Variants in STARD13 observed in about 807,000 individuals in gnomAD.
STARD13 encodes stAR-related lipid transfer protein 13.
STARD13 carries 62 observed loss-of-function variants against 106.4 expected under a neutral mutation model. The ratio of observed to expected loss-of-function variants is 0.58; its 90% CI spans 0.48 to 0.72. STARD13 has a LOEUF of 0.72. STARD13 is among the 30% of genes least tolerant of loss of function. The pLI is 0.00. For missense variants in STARD13, 1,387 were observed against 1,424.0 expected, an observed-to-expected ratio of 0.97 and a Z score of 0.42; for synonymous variants, 565 against 553.0, an observed-to-expected ratio of 1.02 and a Z score of -0.31.
chr13:33,641,887 AT>A, the STARD13 span, among the ~76,000 whole-genome samples: 2 of 152,178 alleles, frequency 1.3e-5, no homozygotes, highest in East Asian at 3.8e-4. Flanking sequence ...GGATTGTGAT[AT>A]TTTTGTCATG....
intron 1 of STARD13, among the ~76,000 whole-genome samples, chr13:33,246,228 A>T (rs1236741205): frequency 6.6e-6 from 1 of 152,224 alleles, no homozygotes; most frequent in Non-Finnish European, 1.5e-5. Flanking sequence ...TGCGCATCAA[A>T]GAGAGGTAAG....
chr13:33,128,897 G>T, intron 5 of STARD13, 32 bp downstream of exon 5: 1 of 1,560,576 alleles, frequency 6.4e-7, no homozygotes, highest in South Asian at 1.2e-5. Flanking sequence ...TGAAATGGAT[G>T]AAAAATCATT....
chr13:33,640,963 C>G, the STARD13 span, among the ~76,000 whole-genome samples: 4 of 152,184 alleles, frequency 2.6e-5, no homozygotes, highest in East Asian at 1.9e-4. Context: ...TACACAGGAG[C>G]CTTCAGAATG....
At chr13:33,622,759 A>C in the STARD13 span, among the ~76,000 whole-genome samples, 1 of 151,552 alleles carries the variant, frequency 6.6e-6, no homozygotes, top group African/African-American at 2.4e-5. Context: ...ATCTCTACTA[A>C]AAATACAAAA....
chr13:33,353,713 C>A (rs1454129412), upstream of STARD13, among the ~76,000 whole-genome samples: 1 of 152,178 alleles, frequency 6.6e-6, no homozygotes, highest in Admixed American at 6.5e-5. Context: ...TGTCCTAGCC[C>A]AAATCTATCC....
At chr13:33,166,937 C>T (rs542335613) in intron 2 of STARD13, among the ~76,000 whole-genome samples, 22 of 148,878 alleles carry the variant, frequency 1.5e-4, no homozygotes, top group African/African-American at 5.0e-4. Context: ...GAGGTTGCAG[C>T]GAGTGGAGAT....
chr13:33,163,658 C>CATAT (rs1300936549), intron 3 of STARD13, among the ~76,000 whole-genome samples: 1 of 71,624 alleles, frequency 1.4e-5, no homozygotes, highest in Non-Finnish European at 3.1e-5. Context: ...ATATATAAAA[C>CATAT]ATATATATAT....
chr13:33,487,440 T>TGAG, the STARD13 span, among the ~76,000 whole-genome samples: 1 of 152,038 alleles, frequency 6.6e-6, no homozygotes, highest in Non-Finnish European at 1.5e-5. Flanking sequence ...CCCTTATAAA[T>TGAG]GAGGAGACAT....
intron 3 of STARD13, among the ~76,000 whole-genome samples, chr13:33,147,261 T>A (rs1281848998): frequency 6.6e-6 from 1 of 152,142 alleles, no homozygotes; most frequent in African/African-American, 2.4e-5. Flanking sequence ...TTCCTAGGAA[T>A]CTAGAAGGCC....
At chr13:33,295,282 T>G (rs1892444965) in intron 1 of STARD13, among the ~76,000 whole-genome samples, 3 of 152,036 alleles carry the variant, frequency 2.0e-5, no homozygotes. Flanking sequence ...CACTACAAAT[T>G]TGAGAGAGTA....
intron 1 of STARD13, among the ~76,000 whole-genome samples, chr13:33,225,795 T>C (rs1299995423): frequency 6.6e-6 from 1 of 152,248 alleles, no homozygotes; most frequent in East Asian, 1.9e-4. Context: ...GATTTCCTTC[T>C]AATAGTAACA....
At chr13:33,607,562 C>G in the STARD13 span, among the ~76,000 whole-genome samples, 2 of 152,058 alleles carry the variant, frequency 1.3e-5, no homozygotes, top group Non-Finnish European at 2.9e-5. Context: ...TCCCAAAGTG[C>G]TGGGATTACA....
the STARD13 span, among the ~76,000 whole-genome samples, chr13:33,625,453 C>T: frequency 6.6e-6 from 1 of 151,940 alleles, no homozygotes; most frequent in African/African-American, 2.4e-5. Flanking sequence ...GCCTGTAGTC[C>T]CAGCTACTCG....
the STARD13 span, among the ~76,000 whole-genome samples, chr13:33,504,797 C>T: frequency 6.6e-6 from 1 of 152,260 alleles, no homozygotes; most frequent in East Asian, 1.9e-4. Flanking sequence ...CCTGCCTTGG[C>T]CTGCCAATGT....
At chr13:33,316,949 G>A (rs999444743) in intron 1 of STARD13, among the ~76,000 whole-genome samples, 2 of 152,076 alleles carry the variant, frequency 1.3e-5, no homozygotes, top group Non-Finnish European at 2.9e-5. Context: ...TTTGACACTT[G>A]TGATCAGTCT....
the STARD13 span, among the ~76,000 whole-genome samples, chr13:33,517,743 C>G: frequency 6.6e-6 from 1 of 152,272 alleles, no homozygotes; most frequent in African/African-American, 2.4e-5. Context: ...CCATCAACAG[C>G]TGGACATACT....
chr13:33,661,443 G>A, the STARD13 span: 1 of 152,206 alleles, frequency 6.6e-6, no homozygotes, highest in Non-Finnish European at 1.5e-5. Context: ...AAAAACTGTA[G>A]TGTGTGTAGG....
At chr13:33,258,807 G>C (rs770566171) in intron 1 of STARD13, among the ~76,000 whole-genome samples, 1 of 152,146 alleles carries the variant, frequency 6.6e-6, no homozygotes, top group African/African-American at 2.4e-5. Flanking sequence ...CAGAAAACAA[G>C]GTTTCTCCTT....
intron 1 of STARD13, among the ~76,000 whole-genome samples, chr13:33,314,886 A>G (rs1284778038): frequency 6.6e-6 from 1 of 152,222 alleles, no homozygotes; most frequent in Admixed American, 6.5e-5. Flanking sequence ...GTACCTGATA[A>G]TATAATCTAT....
Sources: allele counts gnomAD v4.1 joint callset (sites outside exome capture counted in the v4.1 genomes callset), GRCh38; gene constraint gnomAD v4.1.1; transcripts MANE v1.5; gene names NCBI Gene and HGNC (gene_info 2026-07-23, HGNC 2026-07-21).